The following RBFOX1 variants were observed in gnomAD, a reference collection of about 807,000 sequenced individuals.
The protein encoded by RBFOX1 is RNA binding protein fox-1 homolog 1.
RBFOX1 carries 8 observed loss-of-function variants against 57.7 expected under a neutral mutation model. The observed-to-expected ratio is 0.14, with a 90% CI of 0.08 to 0.25. The LOEUF (loss-of-function observed/expected upper bound fraction) is 0.25. RBFOX1 is among the 10% of genes least tolerant of loss of function. The pLI is 1.00. For synonymous variants in RBFOX1, 326 were observed against 222.4 expected, an observed-to-expected ratio of 1.47 and a Z score of -4.15; for missense variants, 611 against 548.5, an observed-to-expected ratio of 1.11 and a Z score of -1.14.
intron 2 of RBFOX1, among the ~76,000 whole-genome samples, chr16:5,590,946 G>A (rs2046986460): frequency 6.6e-6 from 1 of 151,856 alleles, no homozygotes; most frequent in African/African-American, 2.4e-5. Flanking sequence ...TCTGCATTCA[G>A]ACCACACTGA....
At chr16:6,079,821 G>A (rs1052976529) in intron 1 of RBFOX1, among the ~76,000 whole-genome samples, 7 of 152,154 alleles carry the variant, frequency 4.6e-5, no homozygotes, top group Non-Finnish European at 1.0e-4. Context: ...GGGCAACAAA[G>A]CAAGACCCTG....
At chr16:6,559,371 C>T (rs74008208) in intron 2 of RBFOX1, among the ~76,000 whole-genome samples, 17 of 151,990 alleles carry the variant, frequency 1.1e-4, no homozygotes, top group African/African-American at 3.9e-4. Context: ...TACACACACA[C>T]GTATGTATAC....
At chr16:6,566,833 G>A (rs1323033422) in intron 2 of RBFOX1, among the ~76,000 whole-genome samples, 1 of 152,106 alleles carries the variant, frequency 6.6e-6, no homozygotes, top group African/African-American at 2.4e-5. Context: ...AGTAGCAGTC[G>A]AGACACTGTT....
In RBFOX1 at chr16:6,185,295, A is replaced by T. The variant is rs922312189; in HGVS notation, c.-126-131700A>T. ...GAAATAAAACTTGTCTATATTTGCT[A>T]TAATTTCTTTTCCTTCCATTCTCTC... On this transcript the variant is annotated intron_variant, in intron 1 of 15. Coordinates refer to ENST00000550418, the MANE Select transcript of RBFOX1 (RefSeq NM_018723.4). Among the ~76,000 whole-genome samples, 32 of 152,186 alleles carry T rather than the reference A, an allele frequency of 2.1e-4. 1 individual carries two copies. The highest frequency in any genetic ancestry group is 1.5e-3 in the Admixed American group (23 of 15,276).
chr16:7,657,272 C>A (rs954654855), intron 12 of RBFOX1, among the ~76,000 whole-genome samples: 4 of 152,128 alleles, frequency 2.6e-5, no homozygotes, highest in Admixed American at 6.5e-5. Context: ...CCAGTAGAGT[C>A]CCTAAGGATG....
At chr16:5,721,149 T>C (rs550206128) in intron 3 of RBFOX1, among the ~76,000 whole-genome samples, 1 of 152,346 alleles carries the variant, frequency 6.6e-6, no homozygotes, top group African/African-American at 2.4e-5. Flanking sequence ...ATTTCCTGTT[T>C]TATGTTTATC....
intron 4 of RBFOX1, among the ~76,000 whole-genome samples, chr16:5,952,641 G>C (rs75564311): frequency 1.3e-5 from 2 of 152,026 alleles, no homozygotes; most frequent in Non-Finnish European, 2.9e-5. Flanking sequence ...CATCTGTATC[G>C]ATAGTGATGG....
chr16:6,937,262 T>C (rs2077530491), intron 3 of RBFOX1, among the ~76,000 whole-genome samples: 1 of 152,148 alleles, frequency 6.6e-6, no homozygotes, highest in Non-Finnish European at 1.5e-5. Context: ...GATTCAACAA[T>C]TGCCAACTCA....
intron 2 of RBFOX1, among the ~76,000 whole-genome samples, chr16:6,576,172 T>C (rs1405008963): frequency 1.3e-5 from 2 of 152,128 alleles, no homozygotes; most frequent in African/African-American, 4.8e-5. Flanking sequence ...CATTCTTTCA[T>C]TTTGCAACCT....
intron 3 of RBFOX1, among the ~76,000 whole-genome samples, chr16:6,756,579 C>T (rs1015331235): frequency 5.9e-5 from 9 of 152,026 alleles, no homozygotes; most frequent in Non-Finnish European, 1.2e-4. Context: ...AACTCATATC[C>T]AGAATATATG....
intron 3 of RBFOX1, among the ~76,000 whole-genome samples, chr16:6,779,179 C>T (rs986525054): frequency 1.3e-5 from 2 of 152,030 alleles, no homozygotes; most frequent in African/African-American, 4.8e-5. Context: ...CTCAACTCCC[C>T]TTCCTTGCAT....
At chr16:6,202,253 A>G (rs1427982496) in intron 1 of RBFOX1, among the ~76,000 whole-genome samples, 1 of 152,164 alleles carries the variant, frequency 6.6e-6, no homozygotes, top group African/African-American at 2.4e-5. Context: ...CTGTTCTCTT[A>G]TCTCAGGTAT....
At chr16:7,452,022 T>C (rs1377507093) in intron 4 of RBFOX1, among the ~76,000 whole-genome samples, 1 of 152,180 alleles carries the variant, frequency 6.6e-6, no homozygotes, top group Non-Finnish European at 1.5e-5. Context: ...AAGATTCTTA[T>C]TCCATGACCA....
intron 3 of RBFOX1, among the ~76,000 whole-genome samples, chr16:5,831,006 A>G (rs909524008): frequency 1.3e-5 from 2 of 152,102 alleles, no homozygotes; most frequent in South Asian, 2.1e-4. Context: ...CCTTGTTGTC[A>G]TGTAAATTAA....
At chr16:5,380,971 C>G (rs760179191) in intron 1 of RBFOX1, among the ~76,000 whole-genome samples, 4 of 152,210 alleles carry the variant, frequency 2.6e-5, no homozygotes, top group Non-Finnish European at 2.9e-5. Flanking sequence ...TGAGGTTTGG[C>G]AATAAAGATC....
At chr16:7,235,601 G>C (rs1254198903) in intron 4 of RBFOX1, among the ~76,000 whole-genome samples, 1 of 152,164 alleles carries the variant, frequency 6.6e-6, no homozygotes, top group African/African-American at 2.4e-5. Flanking sequence ...CCTTTCAATT[G>C]ATGGGCAGCC....
In RBFOX1 at chr16:7,234,677, T is replaced by TTA. The variant is rs768048668; in HGVS notation, c.27+182589_27+182590dup. ...GTGTATGTATATATGTATACATATTTTATATATATATGTATATATATATGT... is the reference window on the plus strand; with the variant it reads ...GTGTATGTATATATGTATACATATTTTATATATATATATGTATATATATATGT... On this transcript the variant is annotated intron_variant, in intron 4 of 15. Coordinates refer to ENST00000550418, the MANE Select transcript of RBFOX1 (RefSeq NM_018723.4). 7.6e-4 allele frequency among the ~76,000 whole-genome samples: 68 copies of TTA among 89,962 alleles called. 1 individual carries two copies. Among genetic ancestry groups the TTA allele is most frequent in the South Asian group, 1.5e-3 (3 of 1,966 alleles). The allele number at this position is 89,962 out of a possible 152,430, so 59.0% of individuals were successfully genotyped here.
chr16:6,820,687 CAAA>C (rs1435402839), intron 3 of RBFOX1, among the ~76,000 whole-genome samples: 40 of 151,762 alleles, frequency 2.6e-4, no homozygotes, highest in African/African-American at 8.9e-4. Context: ...AACAAACAAA[CAAA>C]AACCGAAAAC....
At chr16:7,044,803 GTCTT>G (rs1034754273) in intron 3 of RBFOX1, among the ~76,000 whole-genome samples, 1 of 152,094 alleles carries the variant, frequency 6.6e-6, no homozygotes, top group African/African-American at 2.4e-5. Context: ...CACAGGCAGG[GTCTT>G]TCTTCATCAC....
Sources: allele counts gnomAD v4.1 joint callset (sites outside exome capture counted in the v4.1 genomes callset), GRCh38; gene constraint gnomAD v4.1.1; transcripts MANE v1.5; gene names NCBI Gene and HGNC (gene_info 2026-07-23, HGNC 2026-07-21).